Variants in CCDC60 observed in about 807,000 individuals in gnomAD.
CCDC60 encodes coiled-coil domain-containing protein 60.
CCDC60 carries 54 observed loss-of-function variants against 63.5 expected under a neutral mutation model. That is an observed-to-expected ratio of 0.85 (90% CI 0.68 to 1.07). The LOEUF is 1.07. Among genes scored for constraint, CCDC60 ranks in the 50% least tolerant of loss-of-function variants. CCDC60 has a pLI of 0.00. For missense variants in CCDC60, 651 were observed against 684.3 expected (o/e 0.95, Z 0.54); for synonymous variants, 206 against 238.8 (o/e 0.86, Z 1.27).
chr12:119,401,765 A>G (rs1956396491), intron 1 of CCDC60, among the ~76,000 whole-genome samples: 1 of 152,212 alleles, frequency 6.6e-6, no homozygotes. Flanking sequence ...TAGAGCATCA[A>G]AGTGCACAGT....
intron 2 of CCDC60, among the ~76,000 whole-genome samples, chr12:119,454,401 TTCTC>T (rs1277653151): frequency 6.6e-6 from 1 of 152,056 alleles, no homozygotes; most frequent in Non-Finnish European, 1.5e-5. Flanking sequence ...AACCTCCTGT[TTCTC>T]TCTAAGTGCC....
At chr12:119,344,855 TCACACACACACACACACACACACACA>T (rs1199779284) in intron 1 of CCDC60, among the ~76,000 whole-genome samples, 2 of 114,856 alleles carry the variant, frequency 1.7e-5, no homozygotes, top group African/African-American at 7.1e-5. Flanking sequence ...TCTCTCTCTC[TCACACACACACACACACACACACACA>T]CACACACACA....
intron 5 of CCDC60, among the ~76,000 whole-genome samples, chr12:119,498,764 G>A (rs1951773468): frequency 6.6e-6 from 1 of 152,206 alleles, no homozygotes; most frequent in African/African-American, 2.4e-5. Flanking sequence ...ATGAATGGAT[G>A]AAAAGATATA....
chr12:119,507,549 T>C (rs1170251928), intron 7 of CCDC60, among the ~76,000 whole-genome samples: 2 of 60,492 alleles, frequency 3.3e-5, no homozygotes, highest in Non-Finnish European at 5.7e-5. Context: ...CACATATATA[T>C]ACATATATAT....
At chr12:119,458,967 C>T (rs11836808) in intron 2 of CCDC60, among the ~76,000 whole-genome samples, 6,244 of 152,106 alleles carry the variant, frequency 0.041, 429 homozygotes, top group African/African-American at 0.14. Flanking sequence ...AGTCTGGTCT[C>T]GAATTCCTGA....
intron 10 of CCDC60, 89 bp downstream of exon 10, chr12:119,523,090 A>T: frequency 1.7e-6 from 2 of 1,178,714 alleles, no homozygotes; most frequent in Non-Finnish European, 2.6e-6. Context: ...AAATGACCCA[A>T]TGCAGACCAG....
chr12:119,480,314 T>C (rs1171449922), intron 4 of CCDC60, among the ~76,000 whole-genome samples: 1 of 152,098 alleles, frequency 6.6e-6, no homozygotes, highest in Non-Finnish European at 1.5e-5. Context: ...GTCACAGAGG[T>C]CAGTGTGTTG....
At chr12:119,534,851 C>T (rs1322382859) in intron 13 of CCDC60, among the ~76,000 whole-genome samples, 5 of 152,210 alleles carry the variant, frequency 3.3e-5, no homozygotes, top group Admixed American at 6.5e-5. Context: ...CATCGATGTT[C>T]ATCAGGGATA....
At chr12:119,367,529 T>A (rs745681832) in intron 1 of CCDC60, among the ~76,000 whole-genome samples, 3 of 152,190 alleles carry the variant, frequency 2.0e-5, no homozygotes, top group Non-Finnish European at 4.4e-5. Flanking sequence ...TTTGTGTGCC[T>A]GAGTTATGGA....
chr12:119,350,170 A>ATTATTTATTTAT (rs10534165), intron 1 of CCDC60, among the ~76,000 whole-genome samples: 21 of 144,828 alleles, frequency 1.5e-4, no homozygotes, highest in African/African-American at 4.8e-4. Flanking sequence ...TCTTTGCTTT[A>ATTATTTATTTAT]TTATTTATTT....
chr12:119,482,021 A>ATATATATG (rs1951335240), intron 4 of CCDC60, among the ~76,000 whole-genome samples: 1 of 147,072 alleles, frequency 6.8e-6, no homozygotes, highest in Non-Finnish European at 1.5e-5. Flanking sequence ...ATATATATGT[A>ATATATATG]TATATGTGTG....
At chr12:119,398,469 C>T (rs1355231561) in intron 1 of CCDC60, among the ~76,000 whole-genome samples, 1 of 152,192 alleles carries the variant, frequency 6.6e-6, no homozygotes, top group African/African-American at 2.4e-5. Context: ...CCTCGGCCAG[C>T]CCTGAGAGGG....
intron 13 of CCDC60, among the ~76,000 whole-genome samples, chr12:119,534,552 T>G (rs548490707): frequency 1.3e-5 from 2 of 152,180 alleles, no homozygotes; most frequent in African/African-American, 4.8e-5. Context: ...GGCTGTGGGT[T>G]TGTCATAAAT....
intron 9 of CCDC60, among the ~76,000 whole-genome samples, chr12:119,522,091 C>T (rs1952544208): frequency 6.6e-6 from 1 of 152,186 alleles, no homozygotes; most frequent in Non-Finnish European, 1.5e-5. Context: ...GGGTTACCCA[C>T]ACATCATATT....
intron 1 of CCDC60, among the ~76,000 whole-genome samples, chr12:119,381,277 T>C (rs554341392): frequency 6.6e-6 from 1 of 152,346 alleles, no homozygotes; most frequent in Admixed American, 6.5e-5. Context: ...GTTTCTATTC[T>C]TGGTTTGCCT....
intron 11 of CCDC60, among the ~76,000 whole-genome samples, chr12:119,526,982 C>T (rs1015807223): frequency 6.6e-6 from 1 of 152,146 alleles, no homozygotes; most frequent in African/African-American, 2.4e-5. Context: ...CACTGCAGCA[C>T]TATTCACAAT....
intron 2 of CCDC60, among the ~76,000 whole-genome samples, chr12:119,439,625 A>G (rs936765207): frequency 1.3e-5 from 2 of 152,204 alleles, no homozygotes; most frequent in Non-Finnish European, 2.9e-5. Context: ...ATCTTGCTCA[A>G]AGAAGTTTCC....
At chr12:119,463,055 C>T (rs1032106218) in intron 2 of CCDC60, among the ~76,000 whole-genome samples, 14 of 152,128 alleles carry the variant, frequency 9.2e-5, no homozygotes, top group African/African-American at 3.1e-4. Context: ...AACTCCTGAC[C>T]TCAAGTGATC....
chr12:119,520,400 T>C (rs1447763974), intron 9 of CCDC60, among the ~76,000 whole-genome samples: 3 of 152,270 alleles, frequency 2.0e-5, no homozygotes, highest in Admixed American at 6.5e-5. Flanking sequence ...TTATATACCA[T>C]CAAGTTAAAA....
Sources: gnomAD v4.1 joint callset for allele counts (sites outside exome capture counted in the v4.1 genomes callset) on GRCh38, gnomAD v4.1.1 for gene constraint, MANE v1.5 for transcripts, NCBI Gene and HGNC (gene_info 2026-07-23, HGNC 2026-07-21) for gene names.